CCDC68: variants seen among roughly 807,000 people sequenced by gnomAD.
CCDC68 encodes the protein coiled-coil domain-containing protein 68.
A neutral mutation model predicts 47.1 loss-of-function variants in CCDC68; 45 were observed. The ratio of observed to expected loss-of-function variants is 0.96; its 90% CI spans 0.75 to 1.23. The LOEUF (loss-of-function observed/expected upper bound fraction) is 1.23. Among genes scored for constraint, CCDC68 ranks in the 50% most tolerant of loss-of-function variants. CCDC68 has a pLI of 0.00. For missense variants in CCDC68, 353 were observed against 373.6 expected, an observed-to-expected ratio of 0.94 and a Z score of 0.45; for synonymous variants, 131 against 129.5, an observed-to-expected ratio of 1.01 and a Z score of -0.08.
chr18:54,918,690 TTG>T (rs1294312435), intron 9 of CCDC68, among the ~76,000 whole-genome samples: 3 of 152,222 alleles, frequency 2.0e-5, no homozygotes, highest in Non-Finnish European at 4.4e-5. Context: ...TTGGGAGGAC[TTG>T]TATTTGGCAG....
intron 7 of CCDC68, among the ~76,000 whole-genome samples, chr18:54,932,556 C>A (rs893568822): frequency 6.6e-6 from 1 of 152,172 alleles, no homozygotes; most frequent in African/African-American, 2.4e-5. Context: ...CTTACCTCCA[C>A]CCTCCAGAGA....
intron 6 of CCDC68, among the ~76,000 whole-genome samples, chr18:54,935,150 AAAT>A (rs1188808118): frequency 6.6e-6 from 1 of 152,234 alleles, no homozygotes; most frequent in Non-Finnish European, 1.5e-5. Flanking sequence ...AATAATGTAT[AAAT>A]ATTCTTCCTA....
At chr18:54,908,978 G>A (rs536529238) in intron 10 of CCDC68, among the ~76,000 whole-genome samples, 2 of 152,260 alleles carry the variant, frequency 1.3e-5, no homozygotes, top group South Asian at 4.1e-4. Flanking sequence ...CCGAAGTGCT[G>A]GGATTGTAGG....
rs1913849518 is a variant in CCDC68, at chr18:54,904,225, CA to C, written c.*132del. ...GATTTTCTGAAATGTCATCTTCTTG[CA>C]AAGCCATTGGTATGTAATAAGTTCC... On this transcript the variant is annotated 3_prime_UTR_variant, in exon 12 of 12. Transcript: ENST00000591504. 1.5e-6 allele frequency: 1 copy of C among 648,364 alleles called. No homozygotes were observed. The highest frequency in any genetic ancestry group is 2.9e-5 in the Admixed American group (1 of 33,932). 40.2% of individuals were successfully genotyped at this position (648,364 alleles called of 1,614,324 possible). A position where few individuals can be genotyped will look rare whatever the true frequency, so the allele number is the denominator to read the frequency against.
At chr18:54,909,867 C>T (rs56805466) in intron 10 of CCDC68, among the ~76,000 whole-genome samples, 2,498 of 152,240 alleles carry the variant, frequency 0.016, 64 homozygotes, top group African/African-American at 0.057. Flanking sequence ...TCAGGGAGCT[C>T]CCAGGTCTGG....
chr18:54,910,611 G>A (rs962026199), intron 10 of CCDC68, among the ~76,000 whole-genome samples: 2 of 152,220 alleles, frequency 1.3e-5, no homozygotes, highest in African/African-American at 4.8e-5. Context: ...CTGCCCAGGA[G>A]CCTGTCTGCC....
chr18:54,916,181 A>G (rs1348525212), intron 10 of CCDC68, among the ~76,000 whole-genome samples: 1 of 152,068 alleles, frequency 6.6e-6, no homozygotes. Context: ...TTCCACAATC[A>G]AGGCATTTTT....
chr18:54,931,822 G>C (rs1328778787), intron 7 of CCDC68, among the ~76,000 whole-genome samples: 1 of 152,156 alleles, frequency 6.6e-6, no homozygotes, highest in African/African-American at 2.4e-5. Context: ...AAGGTTTTAA[G>C]TAATATGTTC....
intron 10 of CCDC68, among the ~76,000 whole-genome samples, chr18:54,913,550 C>T (rs1181057100): frequency 1.3e-5 from 2 of 152,158 alleles, no homozygotes; most frequent in East Asian, 3.8e-4. Context: ...ACTTGTAATT[C>T]CAGCACTTTG....
chr18:54,938,128 G>T, intron 4 of CCDC68, 31 bp from the exon 5 acceptor site: 1 of 1,588,734 alleles, frequency 6.3e-7, no homozygotes, highest in South Asian at 1.2e-5. Context: ...TCATAGACCT[G>T]ACTATCTTTT....
chr18:54,943,284 A>T (rs2145593249), intron 2 of CCDC68, among the ~76,000 whole-genome samples: 1 of 143,100 alleles, frequency 7.0e-6, no homozygotes, highest in African/African-American at 2.4e-5. Flanking sequence ...TGCCAACAAG[A>T]AGAGGATAGA....
chr18:54,928,133 A>T (rs112972988), intron 8 of CCDC68, among the ~76,000 whole-genome samples: 1,554 of 152,308 alleles, frequency 0.01, 37 homozygotes, highest in African/African-American at 0.035. Context: ...AGAATTTTTT[A>T]AAAATAAAGA....
At position 54,942,760 on chromosome 18, in the gene CCDC68, G is replaced by A; in HGVS notation, c.32C>T (p.Pro11Leu). 2 of 1,612,036 alleles carry A rather than the reference G, an allele frequency of 1.2e-6. No homozygotes were observed. Among genetic ancestry groups the A allele is most frequent in the South Asian group, 1.1e-5 (1 of 90,882 alleles). The change falls in exon 3 of 12, where the codon CCC becomes CTC. Residue 11 changes from proline (P) to leucine (L), a missense_variant. Coordinates refer to ENST00000591504, the MANE Select transcript of CCDC68 (RefSeq NM_025214.3). MTTVTVTTEIPPRDKMEDNSA... is the reference protein window; with the variant it reads MTTVTVTTEILPRDKMEDNSA... ...ATTATCTTCCATCTTATCCCTTGGG[G>A]GAATTTCTGTGGTCACTGTCACTGT...
intron 10 of CCDC68, among the ~76,000 whole-genome samples, chr18:54,910,368 G>A (rs1256807917): frequency 2.0e-5 from 3 of 152,202 alleles, no homozygotes; most frequent in African/African-American, 7.2e-5. Context: ...GGAGTGGGTA[G>A]CTCTTCTCTG....
At chr18:54,954,834 A>T (rs1280672981) in intron 1 of CCDC68, 1 of 152,216 alleles carries the variant, frequency 6.6e-6, no homozygotes, top group African/African-American at 2.4e-5. Context: ...ATCCAATCAC[A>T]AACAGATCAT....
rs1913745633 is a variant in CCDC68, at chr18:54,902,565, G to A, written c.*1793C>T. On this transcript the variant is annotated 3_prime_UTR_variant, in exon 12 of 12. Coordinates refer to ENST00000591504, the MANE Select transcript of CCDC68 (RefSeq NM_025214.3). ...TGTATGATAAACAGATTTTTAGCAG[G>A]GAAGTTTGTCTGAACTGAGTTCTCA... 2 of 152,200 alleles carry A rather than the reference G, an allele frequency of 1.3e-5. No homozygotes were observed. The highest frequency in any genetic ancestry group is 2.4e-5 in the African/African-American group (1 of 41,456). The allele number at this position is 152,200 out of a possible 1,614,324, so 9.4% of individuals were successfully genotyped here.
At chr18:54,929,324 T>C (rs2044203378) in intron 7 of CCDC68, among the ~76,000 whole-genome samples, 2 of 152,170 alleles carry the variant, frequency 1.3e-5, no homozygotes, top group Non-Finnish European at 2.9e-5. Flanking sequence ...TGTCAGAAGG[T>C]AGTAAAGCAA....
intron 8 of CCDC68, among the ~76,000 whole-genome samples, chr18:54,926,337 G>A (rs186699646): frequency 5.0e-4 from 76 of 152,276 alleles, no homozygotes; most frequent in African/African-American, 1.5e-3. Context: ...TTCACATGGC[G>A]GGCCAAAACC....
intron 7 of CCDC68, among the ~76,000 whole-genome samples, chr18:54,931,413 G>A (rs1468098466): frequency 6.6e-6 from 1 of 152,218 alleles, no homozygotes; most frequent in Non-Finnish European, 1.5e-5. Context: ...AGGCTGATCG[G>A]AGAGGGCACC....
Sources: gnomAD v4.1 joint callset for allele counts (sites outside exome capture counted in the v4.1 genomes callset) on GRCh38, gnomAD v4.1.1 for gene constraint, MANE v1.5 for transcripts, NCBI Gene and HGNC (gene_info 2026-07-23, HGNC 2026-07-21) for gene names.